Variants in ENPP3 observed in about 807,000 individuals in gnomAD.
The protein encoded by ENPP3 is ectonucleotide pyrophosphatase/phosphodiesterase family member 3.
In ENPP3, 104 loss-of-function variants were observed where a neutral mutation model predicts 117.8. The ratio of observed to expected loss-of-function variants is 0.88; its 90% CI spans 0.75 to 1.04. The LOEUF (loss-of-function observed/expected upper bound fraction) is 1.04. Among genes scored for constraint, ENPP3 ranks in the 50% least tolerant of loss-of-function variants. ENPP3 has a pLI of 0.00. For missense variants in ENPP3, 1,026 were observed against 1,051.9 expected (o/e 0.98, Z 0.34); for synonymous variants, 380 against 349.9 (o/e 1.09, Z -0.96).
chr6:131,735,237 A>C (rs1410061303), intron 21 of ENPP3, among the ~76,000 whole-genome samples: 1 of 152,066 alleles, frequency 6.6e-6, no homozygotes, highest in Non-Finnish European at 1.5e-5. Flanking sequence ...TATAAATTCC[A>C]ATTATTTGTT....
Position 131,738,033 on chromosome 6 carries a change from A to C in ENPP3, c.2170A>C (p.Met724Leu), listed in dbSNP as rs754626152. Residue 724 changes from methionine to leucine, a missense_variant and splice_region_variant, in exon 23 of 25, where the codon ATG (methionine) becomes CTG (leucine). Transcript: ENST00000357639. ...LVPMYEEFRKMWDYFHSVLLI... is the reference protein window; with the variant it reads ...LVPMYEEFRKLWDYFHSVLLI... Reference sequence around the variant, plus strand: ...ACACTTTATGATTTTATTTTTAGAAATGTGGGACTACTTCCACAGTGTTCT... The same window carrying C: ...ACACTTTATGATTTTATTTTTAGAACTGTGGGACTACTTCCACAGTGTTCT... The C allele has an allele frequency of 1.3e-6, 2 of 1,585,316 alleles. No homozygotes were observed. Among genetic ancestry groups the C allele is most frequent in the Admixed American group, 3.6e-5 (2 of 55,324 alleles).
chr6:131,744,328 TA>T (rs1254263600), intron 24 of ENPP3, among the ~76,000 whole-genome samples: 2 of 152,198 alleles, frequency 1.3e-5, no homozygotes, highest in Non-Finnish European at 2.9e-5. Flanking sequence ...CATTGTAAGT[TA>T]CTCAGCAGAT....
At chr6:131,637,543 GTGT>G in intron 1 of ENPP3, 81 bp downstream of exon 1, 1 of 760,004 alleles carries the variant, frequency 1.3e-6, no homozygotes, top group Admixed American at 3.0e-5. Context: ...ACATTTCTTT[GTGT>G]TGCTATTAAA....
At chr6:131,693,396 T>C in intron 14 of ENPP3, 101 bp from the exon 15 acceptor site, 1 of 1,047,504 alleles carries the variant, frequency 9.5e-7, no homozygotes, top group Non-Finnish European at 1.4e-6. Context: ...TGAAATCCCC[T>C]TACTTTTAAA....
At chr6:131,656,503 C>T (rs1778387741) in intron 5 of ENPP3, among the ~76,000 whole-genome samples, 1 of 152,116 alleles carries the variant, frequency 6.6e-6, no homozygotes, top group African/African-American at 2.4e-5. Flanking sequence ...CATGGTGGCT[C>T]ACGCCTGTAA....
Position 131,726,165 on chromosome 6 carries a change from A to T in ENPP3, c.1918A>T (p.Met640Leu), listed in dbSNP as rs1486455949. 6.2e-7 allele frequency: 1 copy of T among 1,614,000 alleles called. No homozygotes were observed. Among genetic ancestry groups the T allele is most frequent in the Non-Finnish European group, 8.5e-7 (1 of 1,179,902 alleles). ...CAGTGGATTTGGAAAAGCTATGAGGATGCCCATGTGGAGTTCATACACAGT... is the reference window on the plus strand; with the variant it reads ...CAGTGGATTTGGAAAAGCTATGAGGTTGCCCATGTGGAGTTCATACACAGT... ...YVSGFGKAMRMPMWSSYTVPQ... is the reference protein window; with the variant it reads ...YVSGFGKAMRLPMWSSYTVPQ... Residue 640 changes from methionine to leucine, a missense_variant, in exon 20 of 25, where the codon ATG becomes TTG. Transcript: ENST00000357639.
chr6:131,692,145 G>T (rs1779295155), intron 14 of ENPP3, among the ~76,000 whole-genome samples: 1 of 151,834 alleles, frequency 6.6e-6, no homozygotes, highest in Non-Finnish European at 1.5e-5. Context: ...GATATATTGT[G>T]GTTTAAAATA....
At chr6:131,665,007 A>T (rs1207983085) in intron 6 of ENPP3, among the ~76,000 whole-genome samples, 1 of 152,098 alleles carries the variant, frequency 6.6e-6, no homozygotes, top group Non-Finnish European at 1.5e-5. Context: ...TATTGAAATG[A>T]TCATGTAATT....
rs150107245 is a variant in ENPP3, at chr6:131,668,530, T to G, written c.563-2718T>G. Among the ~76,000 whole-genome samples, 24 of 152,276 alleles carry G rather than the reference T, an allele frequency of 1.6e-4. No homozygotes were observed. In the East Asian group the frequency reaches 4.6e-3, roughly 29 times the overall value. On this transcript the variant is annotated intron_variant, in intron 6 of 24. Transcript: ENST00000357639. The stretch of plus-strand genomic sequence containing the variant: ...TGCCCGGCCTACATTGCAGTTTTGA[T>G]CTGTACATTCTCTGGTTGCTTTACC...
intron 14 of ENPP3, among the ~76,000 whole-genome samples, chr6:131,690,273 C>A (rs1779249228): frequency 6.6e-6 from 1 of 152,100 alleles, no homozygotes; most frequent in Non-Finnish European, 1.5e-5. Context: ...TTGTGAAAGG[C>A]AGGGTCCACT....
At position 131,652,599 on chromosome 6, in the gene ENPP3, T is replaced by C. The variant is rs530322099; in HGVS notation, c.335T>C (p.Leu112Pro). 26 of 1,614,066 alleles carry C rather than the reference T, an allele frequency of 1.6e-5. No individual in the cohort carries two copies. The South Asian group carries it at 2.5e-4, about 16-fold the overall frequency. The stretch of plus-strand genomic sequence containing the variant: ...GGAGAGACCAGATTAGAGGCCAGCC[T>C]TTGCTCTTGTTCAGATGACTGTTTG... Reference protein sequence around the residue: ...RCGETRLEASLCSCSDDCLQR... With the variant: ...RCGETRLEASPCSCSDDCLQR... Residue 112 changes from leucine (L) to proline (P), a missense_variant, in exon 4 of 25, where the codon CTT (leucine) becomes CCT (proline). Physicochemically the swap from Leu to Pro is moderately conservative, Grantham distance 98. Coordinates refer to ENST00000357639, the MANE Select transcript of ENPP3 (RefSeq NM_005021.5).
chr6:131,658,432 G>C lies in ENPP3; in HGVS notation c.562+12G>C, dbSNP rs766074614. Reference sequence around the variant, plus strand: ...TATCAATAAACTGAGTAAGTCTTCTGTAACTAGTGGCATGCAAATGATAAA... The same window carrying C: ...TATCAATAAACTGAGTAAGTCTTCTCTAACTAGTGGCATGCAAATGATAAA... On this transcript the variant is annotated intron_variant, in intron 6 of 24. Transcript: ENST00000357639. 1 of 1,317,740 alleles carries C rather than the reference G, an allele frequency of 7.6e-7. No homozygotes were observed. The highest frequency in any genetic ancestry group is 2.3e-5 in the East Asian group (1 of 43,398). The allele number at this position is 1,317,740 out of a possible 1,614,324, so 81.6% of individuals were successfully genotyped here. A position where few individuals can be genotyped will look rare whatever the true frequency, so the allele number is the denominator to read the frequency against.
chr6:131,746,119 G>A (rs1780630635), intron 24 of ENPP3, among the ~76,000 whole-genome samples: 1 of 151,824 alleles, frequency 6.6e-6, no homozygotes, highest in African/African-American at 2.4e-5. Flanking sequence ...TGTACTCTAT[G>A]GCCCAACAAT....
chr6:131,683,420 G>A (rs959353634), intron 12 of ENPP3, among the ~76,000 whole-genome samples: 12 of 152,130 alleles, frequency 7.9e-5, no homozygotes, highest in African/African-American at 2.4e-4. Flanking sequence ...ATTTAACAGG[G>A]ATGTGGTTGG....
intron 20 of ENPP3, among the ~76,000 whole-genome samples, chr6:131,729,776 C>G (rs982872690): frequency 6.6e-6 from 1 of 152,118 alleles, no homozygotes; most frequent in Admixed American, 6.5e-5. Context: ...GCCACATCCT[C>G]ATTCCTAGTA....
Position 131,747,082 on chromosome 6 carries a change from A to C in ENPP3, c.*126A>C, listed in dbSNP as rs1780653178. 3 of 492,828 alleles carry C rather than the reference A, an allele frequency of 6.1e-6. No homozygotes were observed. Among genetic ancestry groups the C allele is most frequent in the Non-Finnish European group, 1.1e-5 (3 of 285,706 alleles). 30.5% of individuals were successfully genotyped at this position (492,828 alleles called of 1,614,324 possible). ...TTTCCTTAAGTCCCCTAAAAGCCAT[A>C]ATTTTTATTATTCCTTTTTCTCTTT... On this transcript the variant is annotated 3_prime_UTR_variant, in exon 25 of 25. Transcript: ENST00000357639.
At chr6:131,643,452 T>A (rs1778092920) in intron 2 of ENPP3, among the ~76,000 whole-genome samples, 1 of 152,144 alleles carries the variant, frequency 6.6e-6, no homozygotes, top group South Asian at 2.1e-4. Flanking sequence ...TTCATCTGAG[T>A]TGATCAGCCC....
At chr6:131,683,999 C>A (rs1295799816) in intron 12 of ENPP3, among the ~76,000 whole-genome samples, 1 of 152,160 alleles carries the variant, frequency 6.6e-6, no homozygotes, top group African/African-American at 2.4e-5. Flanking sequence ...GATCCGCCCA[C>A]CTCGGCCTCC....
At chr6:131,688,896 CAA>C (rs34743742) in intron 14 of ENPP3, among the ~76,000 whole-genome samples, 12,743 of 88,136 alleles carry the variant, frequency 0.14, 1,030 homozygotes, top group African/African-American at 0.3. Flanking sequence ...ACTAAAAATC[CAA>C]AAAAAAAAAA....
Sources: gnomAD v4.1 joint callset for allele counts (sites outside exome capture counted in the v4.1 genomes callset) on GRCh38, gnomAD v4.1.1 for gene constraint, MANE v1.5 for transcripts, NCBI Gene and HGNC (gene_info 2026-07-23, HGNC 2026-07-21) for gene names.